The following NPHS2 variants were observed in gnomAD, a reference collection of about 807,000 sequenced individuals.
NPHS2 encodes the protein podocin.
A neutral mutation model predicts 37.1 loss-of-function variants in NPHS2; 36 were observed. The observed-to-expected ratio is 0.97, with a 90% confidence interval of 0.74 to 1.28. NPHS2 has a LOEUF of 1.28. Ranked by LOEUF, NPHS2 falls within the 50% of genes most tolerant of loss-of-function variation. The pLI is 0.00. For synonymous variants in NPHS2, 196 were observed against 189.3 expected (o/e 1.04, Z -0.29); for missense variants, 447 against 488.1 (o/e 0.92, Z 0.79).
chr1:179,569,459 G>C (rs963868732), intron 1 of NPHS2, among the ~76,000 whole-genome samples: 7 of 152,104 alleles, frequency 4.6e-5, no homozygotes, highest in African/African-American at 1.7e-4. Flanking sequence ...ATGGGTCTCT[G>C]AATACAGCAC....
intron 4 of NPHS2, among the ~76,000 whole-genome samples, chr1:179,558,368 CATA>C (rs1056489230): frequency 1.2e-4 from 18 of 152,126 alleles, no homozygotes; most frequent in African/African-American, 4.3e-4. Context: ...TTTCAGTCAG[CATA>C]ATGTCCTCAA....
In NPHS2 at chr1:179,564,710, A is replaced by C. The variant is rs779765084; in HGVS notation, c.358T>G (p.Ser120Ala). 6.2e-7 allele frequency: 1 copy of C among 1,613,980 alleles called. No individual in the cohort carries two copies. The highest frequency in any genetic ancestry group is 8.5e-7 in the Non-Finnish European group (1 of 1,179,868). ...LLFIIMTFPF[S>A]IWFCVKVVQE... ...CTCACCTTTACGCAGAACCAGATGG[A>C]AAAAGGGAAGGTCATGATGATGAAG... Residue 120 changes from serine to alanine, a missense_variant, in exon 2 of 8, where the codon TCC becomes GCC. By Grantham distance (99) the Ser-to-Ala change is moderately conservative (BLOSUM62 1). Coordinates refer to ENST00000367615, the MANE Select transcript of NPHS2 (RefSeq NM_014625.4).
intron 1 of NPHS2, among the ~76,000 whole-genome samples, chr1:179,574,575 G>A (rs912161405): frequency 1.3e-5 from 2 of 152,094 alleles, no homozygotes; most frequent in East Asian, 1.9e-4. Flanking sequence ...CATCAACTGG[G>A]CAAAACAGTA....
chr1:179,555,172 A>T (rs1371157297), intron 5 of NPHS2, among the ~76,000 whole-genome samples: 1 of 152,212 alleles, frequency 6.6e-6, no homozygotes, highest in Non-Finnish European at 1.5e-5. Flanking sequence ...TAAGAAAATA[A>T]TTTTTGTTTG....
chr1:179,551,363 A>G lies in NPHS2; in HGVS notation c.962T>C (p.Leu321Pro), dbSNP rs751299365. ...AGACTGAAGGGTGTGGAGGTATCGA[A>G]GCTGAACGGCAGCAGGGGTGCCTGA... is the stretch of plus-strand genomic sequence containing the variant. Reference protein sequence around the residue: ...ILSGTPAAVQLRYLHTLQSLS... With the variant: ...ILSGTPAAVQPRYLHTLQSLS... Residue 321 changes from leucine (L) to proline (P), a missense_variant, in exon 8 of 8, where the codon CTT becomes CCT. Transcript: ENST00000367615. 6.2e-7 allele frequency: 1 copy of G among 1,614,138 alleles called. No individual in the cohort carries two copies. Among genetic ancestry groups the G allele is most frequent in the Non-Finnish European group, 8.5e-7 (1 of 1,179,996 alleles).
chr1:179,563,716 TG>T (rs1291776040), intron 2 of NPHS2, among the ~76,000 whole-genome samples: 9 of 151,878 alleles, frequency 5.9e-5, no homozygotes, highest in African/African-American at 2.2e-4. Flanking sequence ...CTCTAACCAA[TG>T]GGTTAAAGAA....
intron 4 of NPHS2, among the ~76,000 whole-genome samples, chr1:179,559,250 G>A (rs1314724996): frequency 6.6e-6 from 1 of 152,074 alleles, no homozygotes; most frequent in Non-Finnish European, 1.5e-5. Context: ...TTTACTCAAC[G>A]TCTGCTGATT....
At chr1:179,572,246 C>G (rs1362018972) in intron 1 of NPHS2, among the ~76,000 whole-genome samples, 2 of 152,222 alleles carry the variant, frequency 1.3e-5, no homozygotes, top group East Asian at 3.8e-4. Flanking sequence ...AGAGGCTTAT[C>G]TTCCATGAAA....
At chr1:179,568,574 AT>A (rs1442048092) in intron 1 of NPHS2, among the ~76,000 whole-genome samples, 2 of 151,446 alleles carry the variant, frequency 1.3e-5, no homozygotes, top group East Asian at 3.9e-4. Flanking sequence ...GATCTTAGTT[AT>A]TTCTTGTCTT....
rs148976646 is a variant in NPHS2, at chr1:179,575,644, C to T, written c.221G>A (p.Gly74Asp). Residue 74 changes from glycine (G) to aspartate (D), a missense_variant, in exon 1 of 8, where the codon GGC becomes GAC. Physicochemically the swap from Gly to Asp is moderately conservative, Grantham distance 94 (BLOSUM62 -1). Coordinates refer to ENST00000367615, the MANE Select transcript of NPHS2 (RefSeq NM_014625.4). ...CGCCACCACCTCGGTGCCCTCCTCG[C>T]CGGAGCCTCGGACCTCATCCACGTC... ...VVDVDEVRGS[G>D]EEGTEVVALL... 3.7e-6 allele frequency: 6 copies of T among 1,603,702 alleles called. No homozygotes were observed. The highest frequency in any genetic ancestry group is 5.1e-6 in the Non-Finnish European group (6 of 1,179,826).
At position 179,556,340 on chromosome 1, in the gene NPHS2, T is replaced by C. The variant is rs1673926790; in HGVS notation, c.738+687A>G. On this transcript the variant is annotated intron_variant, in intron 5 of 7. Transcript: ENST00000367615. The surrounding 1 kb of genome is among the most constrained non-coding windows in gnomAD (Gnocchi z 4.1). ...TTGCTGGTGGTAATTGCCACTCCAT[T>C]GGCCAGCTGCCTGGAATCCTGCTGT... 6.6e-6 allele frequency among the ~76,000 whole-genome samples: 1 copy of C among 152,212 alleles called. No homozygotes were observed. Among genetic ancestry groups the C allele is most frequent in the African/African-American group, 2.4e-5 (1 of 41,462 alleles).
At position 179,552,396 on chromosome 1, in the gene NPHS2, T is replaced by G. The variant is rs146560491; in HGVS notation, c.873+207A>C. On this transcript the variant is annotated intron_variant, in intron 7 of 7. Coordinates refer to ENST00000367615, the MANE Select transcript of NPHS2 (RefSeq NM_014625.4). ...GACTCAAGCAGTGAGTGGTCACTAT[T>G]ATCAGTAGCTTCAGAGAGGGAGAGG... 289 of 619,162 alleles carry G rather than the reference T, an allele frequency of 4.7e-4. 1 individual carries two copies. The highest frequency in any genetic ancestry group is 4.5e-3 in the African/African-American group (246 of 55,222). The allele number at this position is 619,162 out of a possible 1,614,324, so 38.4% of individuals were successfully genotyped here.
chr1:179,551,015 C>G lies in NPHS2; in HGVS notation c.*158G>C. 1.1e-5 allele frequency: 9 copies of G among 821,606 alleles called. No individual in the cohort carries two copies. The highest frequency in any genetic ancestry group is 1.6e-5 in the South Asian group (1 of 62,874). 50.9% of individuals were successfully genotyped at this position (821,606 alleles called of 1,614,324 possible). ...CCTTCTCTGTCATTACATCATTTCA[C>G]CGTCTTCTCATGGATGGTGCATTGT... On this transcript the variant is annotated 3_prime_UTR_variant, in exon 8 of 8. Transcript: ENST00000367615.
chr1:179,554,994 C>G (rs959574781), intron 5 of NPHS2, among the ~76,000 whole-genome samples: 11 of 152,126 alleles, frequency 7.2e-5, no homozygotes, highest in African/African-American at 2.7e-4. Context: ...ATGATGCACT[C>G]TAAAGATGGA....
At chr1:179,568,749 T>C (rs972982684) in intron 1 of NPHS2, among the ~76,000 whole-genome samples, 3 of 152,236 alleles carry the variant, frequency 2.0e-5, no homozygotes, top group African/African-American at 7.2e-5. Flanking sequence ...TGGTATGTTG[T>C]GTCTTTGTTC....
At position 179,559,718 on chromosome 1, in the gene NPHS2, A is replaced by C. The variant is rs1674064551; in HGVS notation, c.495T>G (p.Val165=). 6.3e-7 allele frequency: 1 copy of C among 1,592,842 alleles called. No homozygotes were observed. The highest frequency in any genetic ancestry group is 8.6e-7 in the Non-Finnish European group (1 of 1,167,218). The part of the protein sequence containing the change: ...FLPCLDTYHK[V]DLRLQTLEIP... ...TCTCCAGAGTTTGGAGACGAAGGTCAACCTTGTGGTAGGTATCCAGGCAGG... is the reference window on the plus strand; with the variant it reads ...TCTCCAGAGTTTGGAGACGAAGGTCCACCTTGTGGTAGGTATCCAGGCAGG... Residue 165 remains valine, a synonymous_variant, in exon 4 of 8, where the codon GTT becomes GTG. Transcript: ENST00000367615.
At chr1:179,564,850 C>A in intron 1 of NPHS2, 57 bp from the exon 2 acceptor site, 1 of 1,366,982 alleles carries the variant, frequency 7.3e-7, no homozygotes, top group South Asian at 1.2e-5. Flanking sequence ...TATTCACTGA[C>A]TAGCATCTGT....
At position 179,550,876 on chromosome 1, in the gene NPHS2, A is replaced by C. The variant is rs760150467; in HGVS notation, c.*297T>G. ...AAAGGGACATCTGAACCAAGTTCCC[A>C]GAAGTCAAAATTTAACCACATCTAG... is the stretch of plus-strand genomic sequence containing the variant. On this transcript the variant is annotated 3_prime_UTR_variant, in exon 8 of 8. Transcript: ENST00000367615. The C allele has an allele frequency of 4.7e-6, 2 of 427,352 alleles. No individual in the cohort carries two copies. Among genetic ancestry groups the C allele is most frequent in the African/African-American group, 4.0e-5 (2 of 49,650 alleles). The allele number at this position is 427,352 out of a possible 1,614,324, so 26.5% of individuals were successfully genotyped here.
chr1:179,570,680 G>A (rs1674521422), intron 1 of NPHS2, among the ~76,000 whole-genome samples: 2 of 152,190 alleles, frequency 1.3e-5, no homozygotes, highest in Admixed American at 1.3e-4. Flanking sequence ...CAGATTTTGA[G>A]GGGCCTGCTC....
Sources: allele counts gnomAD v4.1 joint callset (sites outside exome capture counted in the v4.1 genomes callset), GRCh38; gene constraint gnomAD v4.1.1; non-coding constraint Gnocchi (gnomAD v3.1); transcripts MANE v1.5; gene names NCBI Gene and HGNC (gene_info 2026-07-23, HGNC 2026-07-21).